The following STIP1 variants were observed in gnomAD, a reference collection of about 807,000 sequenced individuals.
STIP1 encodes the protein stress-induced-phosphoprotein 1.
In STIP1, 16 loss-of-function variants were observed where a neutral mutation model predicts 77.4. That is an observed-to-expected ratio of 0.21 (90% CI 0.14 to 0.31). STIP1 has a LOEUF of 0.31. Among genes scored for constraint, STIP1 ranks in the 10% least tolerant of loss-of-function variants. The pLI is 1.00. For synonymous variants in STIP1, 258 were observed against 246.6 expected (o/e 1.05, Z -0.44); for missense variants, 524 against 684.8 (o/e 0.77, Z 2.62).
intron 10 of STIP1, among the ~76,000 whole-genome samples, chr11:64,200,653 A>G (rs1041920351): frequency 6.7e-6 from 1 of 150,008 alleles, no homozygotes; most frequent in African/African-American, 2.5e-5. Context: ...GTATCTATCT[A>G]ACTGGTCCTG....
At chr11:64,186,774 G>A (rs570341765) in intron 1 of STIP1, among the ~76,000 whole-genome samples, 32 of 152,328 alleles carry the variant, frequency 2.1e-4, no homozygotes, top group East Asian at 1.9e-4. Flanking sequence ...ACTGGGAGTA[G>A]CCGAGGATCT....
chr11:64,204,051 T>C lies in STIP1; in HGVS notation c.1560-3T>C. ...TTTCAAGTAACTGCGTCTTCCTCTG[T>C]AGACACTTAAAGAATCCTGTAATAG... On this transcript the variant is annotated splice_region_variant and splice_polypyrimidine_tract_variant and intron_variant, in intron 13 of 13. Coordinates refer to ENST00000305218, the MANE Select transcript of STIP1 (RefSeq NM_006819.3). 1.2e-6 allele frequency: 2 copies of C among 1,614,124 alleles called. No homozygotes were observed. The highest frequency in any genetic ancestry group is 8.5e-7 in the Non-Finnish European group (1 of 1,180,000).
rs896611586 is a variant in STIP1 at position 64,198,059 on chromosome 11, T to G, written c.1023+85T>G. On this transcript the variant is annotated intron_variant, in intron 8 of 13. Transcript: ENST00000305218. ...TTACTGTTTTATTTAATAATGAACTTGACTTTTTTTTTTTTTTGAGATAGG... is the reference window on the plus strand; with the variant it reads ...TTACTGTTTTATTTAATAATGAACTGGACTTTTTTTTTTTTTTGAGATAGG... 2.0e-6 allele frequency: 3 copies of G among 1,469,134 alleles called. No individual in the cohort carries two copies. In the Admixed American group the frequency reaches 7.4e-5, roughly 36 times the overall value. The allele number at this position is 1,469,134 out of a possible 1,614,324, so 91.0% of individuals were successfully genotyped here.
intron 1 of STIP1, 53 bp from the exon 2 acceptor site, chr11:64,193,025 C>A: frequency 6.4e-7 from 1 of 1,557,384 alleles, no homozygotes; most frequent in Non-Finnish European, 8.8e-7. Flanking sequence ...GTCTTTAAAG[C>A]TTGGGATTAA....
chr11:64,185,699 C>G, upstream of STIP1: 1 of 1,319,632 alleles, frequency 7.6e-7, no homozygotes, highest in South Asian at 1.4e-5. Flanking sequence ...GCAGCCGGTA[C>G]TCCCATATAT....
At chr11:64,193,374 C>A in intron 2 of STIP1, 87 bp downstream of exon 2, 3 of 1,215,678 alleles carry the variant, frequency 2.5e-6, no homozygotes, top group Non-Finnish European at 3.6e-6. Flanking sequence ...TGTCCTGATA[C>A]ACTGATAGTT....
At chr11:64,192,809 G>T (rs552970675) in intron 1 of STIP1, among the ~76,000 whole-genome samples, 2 of 152,386 alleles carry the variant, frequency 1.3e-5, no homozygotes, top group South Asian at 2.1e-4. Context: ...TGAGCTCCAT[G>T]TGGAGACCGG....
intron 2 of STIP1, among the ~76,000 whole-genome samples, chr11:64,193,760 C>T (rs1364924315): frequency 6.6e-6 from 1 of 151,906 alleles, no homozygotes; most frequent in Non-Finnish European, 1.5e-5. Flanking sequence ...GCATCCAGCC[C>T]AGGTGACACG....
At chr11:64,202,547 G>A (rs538938351) in intron 10 of STIP1, 4 of 306,350 alleles carry the variant, frequency 1.3e-5, no homozygotes, top group East Asian at 8.0e-5. Flanking sequence ...CGCACCCAGC[G>A]TTGTTTTGTT....
intron 8 of STIP1, among the ~76,000 whole-genome samples, chr11:64,199,722 C>G (rs546585560): frequency 3.3e-5 from 5 of 151,280 alleles, no homozygotes; most frequent in Admixed American, 3.3e-4. Flanking sequence ...CGCCACCACA[C>G]CAGGCTAATT....
intron 3 of STIP1, 64 bp downstream of exon 3, chr11:64,194,394 G>A: frequency 1.2e-6 from 2 of 1,610,408 alleles, no homozygotes; most frequent in Non-Finnish European, 1.7e-6. Context: ...CTTCACCCCT[G>A]AGAAATGTCA....
chr11:64,204,002 A>C, intron 13 of STIP1, 52 bp from the exon 14 acceptor site: 1 of 1,600,116 alleles, frequency 6.2e-7, no homozygotes, highest in Non-Finnish European at 8.6e-7. Flanking sequence ...TCTGAGAGCA[A>C]GTAAGACTTT....
rs1269689511 is a variant in STIP1, at chr11:64,204,348, C to T, written c.*222C>T. On this transcript the variant is annotated 3_prime_UTR_variant, in exon 14 of 14. Transcript: ENST00000305218. Reference sequence around the variant, plus strand: ...CGCATGGTCTCTTCACCGCTGCCCTCGAGTTCCATGTCTCTTTCCCCTGCC... The same window carrying T: ...CGCATGGTCTCTTCACCGCTGCCCTTGAGTTCCATGTCTCTTTCCCCTGCC... The T allele has an allele frequency of 3.8e-6, 2 of 519,610 alleles. No individual in the cohort carries two copies. Among genetic ancestry groups the T allele is most frequent in the Admixed American group, 3.8e-5 (1 of 26,654 alleles). 32.2% of individuals were successfully genotyped at this position (519,610 alleles called of 1,614,324 possible).
At chr11:64,195,613 A>T (rs1386565829) in intron 4 of STIP1, 32 bp from the exon 5 acceptor site, 1 of 1,534,558 alleles carries the variant, frequency 6.5e-7, no homozygotes, top group African/African-American at 1.4e-5. Flanking sequence ...GAGTAATTAC[A>T]ATTTTTCTTT....
In STIP1 at chr11:64,194,610, G is replaced by A. The variant is rs1270793318; in HGVS notation, c.493G>A (p.Asp165Asn). 1.2e-6 allele frequency: 2 copies of A among 1,613,750 alleles called. No homozygotes were observed. The highest frequency in any genetic ancestry group is 1.7e-6 in the Non-Finnish European group (2 of 1,179,776). Residue 165 changes from aspartate to asparagine, a missense_variant, in exon 4 of 14, where the codon GAC (aspartate) becomes AAC (asparagine). Asp to Asn is a conservative substitution (Grantham distance 23). Transcript: ENST00000305218. ...AGAGCAGCTACGAAACAAGCCTTCT[G>A]ACCTGGGCACGTAAGTGGACGCCGC... ...LIEQLRNKPS[D>N]LGTKLQDPRI...
chr11:64,193,375 A>G, intron 2 of STIP1, 88 bp downstream of exon 2: 1 of 1,178,924 alleles, frequency 8.5e-7, no homozygotes, highest in Non-Finnish European at 1.2e-6. Flanking sequence ...GTCCTGATAC[A>G]CTGATAGTTA....
At chr11:64,199,550 T>A (rs572508973) in intron 8 of STIP1, among the ~76,000 whole-genome samples, 1 of 143,062 alleles carries the variant, frequency 7.0e-6, no homozygotes, top group South Asian at 2.2e-4. Context: ...ACTCTGAAAA[T>A]TAAAATCCTA....
intron 10 of STIP1, among the ~76,000 whole-genome samples, chr11:64,200,710 T>G (rs1486087164): frequency 1.3e-5 from 2 of 152,046 alleles, no homozygotes; most frequent in Non-Finnish European, 2.9e-5. Flanking sequence ...AGGTGGGTCC[T>G]TTCACCCCTG....
At chr11:64,195,964 A>G in intron 5 of STIP1, 151 bp downstream of exon 5, 1 of 1,088,532 alleles carries the variant, frequency 9.2e-7, no homozygotes, top group Non-Finnish European at 1.3e-6. Context: ...TTGGTCTTGA[A>G]CTTCTGGCCT....
Sources: gnomAD v4.1 joint callset for allele counts (sites outside exome capture counted in the v4.1 genomes callset) on GRCh38, gnomAD v4.1.1 for gene constraint, MANE v1.5 for transcripts, NCBI Gene and HGNC (gene_info 2026-07-23, HGNC 2026-07-21) for gene names.